The following IL23R variants were observed in gnomAD, a reference collection of about 807,000 sequenced individuals.
IL23R encodes interleukin-23 receptor.
IL23R carries 34 observed loss-of-function variants against 56.9 expected under a neutral mutation model. That is an observed-to-expected ratio of 0.60 (90% CI 0.45 to 0.80). The LOEUF (loss-of-function observed/expected upper bound fraction) is 0.80. IL23R is among the 30% of genes least tolerant of loss of function. The pLI is 0.00. For missense variants in IL23R, 635 were observed against 730.0 expected (o/e 0.87, Z 1.50); for synonymous variants, 230 against 249.2 (o/e 0.92, Z 0.73).
At chr1:67,155,098 A>G (rs552266021) in intron 1 of IL23R, among the ~76,000 whole-genome samples, 1 of 152,284 alleles carries the variant, frequency 6.6e-6, no homozygotes, top group Admixed American at 6.5e-5. Flanking sequence ...TCTTTTCTAT[A>G]AGAATGTTGA....
chr1:67,157,964 C>A (rs923576362), intron 1 of IL23R, among the ~76,000 whole-genome samples: 1 of 152,138 alleles, frequency 6.6e-6, no homozygotes, highest in Non-Finnish European at 1.5e-5. Context: ...GACTGTAATC[C>A]CAGCACTTTG....
At chr1:67,260,470 C>A (rs977114719), downstream of IL23R, among the ~76,000 whole-genome samples, 10 of 152,040 alleles carry the variant, frequency 6.6e-5, no homozygotes, top group African/African-American at 1.9e-4. Context: ...TCCCATGTCT[C>A]CTGCAGATAT....
intron 4 of IL23R, among the ~76,000 whole-genome samples, chr1:67,193,288 T>C (rs575687371): frequency 6.6e-6 from 1 of 152,352 alleles, no homozygotes; most frequent in South Asian, 2.1e-4. Flanking sequence ...CCGCTTTAGT[T>C]TTCTTCTGAA....
chr1:67,214,592 T>G lies in IL23R; in HGVS notation c.799-4982T>G, dbSNP rs113084917. ...CCAGGGGGAGCAGAGAATGAGAGTT[T>G]CAACCAGAAAACAGTTGGTTTCTGA... On this transcript the variant is annotated intron_variant, in intron 6 of 10. Transcript: ENST00000347310. 5.0e-3 allele frequency among the ~76,000 whole-genome samples: 767 copies of G among 152,346 alleles called. 3 individuals carry two copies. The highest frequency in any genetic ancestry group is 8.3e-3 in the Non-Finnish European group (567 of 68,028).
Position 67,258,618 on chromosome 1 carries a change from A to G in IL23R, c.1380A>G (p.Thr460=). 1 of 1,613,988 alleles carries G rather than the reference A, an allele frequency of 6.2e-7. No homozygotes were observed. The part of the protein sequence containing the change: ...YKKENTGPLE[T]RDYPQNSLFD... The stretch of plus-strand genomic sequence containing the variant: ...AGGAGAATACAGGACCCCTGGAGAC[A>G]AGAGACTACCCGCAAAACTCGCTAT... The change falls in exon 11 of 11, where the codon ACA becomes ACG. Residue 460 remains threonine, a synonymous_variant. Coordinates refer to ENST00000347310, the MANE Select transcript of IL23R (RefSeq NM_144701.3).
Position 67,240,275 on chromosome 1 carries a change from G to T in IL23R, c.1142G>T (p.Arg381Leu). Residue 381 changes from arginine to leucine, a missense_variant, in exon 9 of 11, where the codon CGA (arginine) becomes CTA (leucine). Arg to Leu is a moderately radical substitution (Grantham distance 102). Coordinates refer to ENST00000347310, the MANE Select transcript of IL23R (RefSeq NM_144701.3). ...SLIGIFNRSF[R>L]TGIKRRILLL... ...ATTGGGATATTTAACAGATCATTCCGAACTGGGTAGGTTTTTGCAGAATTT... is the reference window on the plus strand; with the variant it reads ...ATTGGGATATTTAACAGATCATTCCTAACTGGGTAGGTTTTTGCAGAATTT... 1 of 1,605,872 alleles carries T rather than the reference G, an allele frequency of 6.2e-7. No individual in the cohort carries two copies. The highest frequency in any genetic ancestry group is 8.5e-7 in the Non-Finnish European group (1 of 1,172,946).
intron 6 of IL23R, among the ~76,000 whole-genome samples, chr1:67,217,896 ATTCT>A (rs1649950180): frequency 6.6e-6 from 1 of 150,948 alleles, no homozygotes; most frequent in African/African-American, 2.4e-5. Flanking sequence ...TTGATACCTC[ATTCT>A]TTTTTTTTTT....
intron 5 of IL23R, among the ~76,000 whole-genome samples, chr1:67,201,268 C>T (rs1648609723): frequency 6.6e-6 from 1 of 151,808 alleles, no homozygotes; most frequent in Non-Finnish European, 1.5e-5. Context: ...ATTAGCCAGG[C>T]ATGGTGGCGG....
In IL23R at chr1:67,200,856, T is replaced by C. The variant is rs767358325; in HGVS notation, c.611T>C (p.Met204Thr). Residue 204 changes from methionine (M) to threonine (T), a missense_variant, in exon 5 of 11, where the codon ATG (methionine) becomes ACG (threonine). Met to Thr is a moderately conservative substitution (Grantham distance 81). Coordinates refer to ENST00000347310, the MANE Select transcript of IL23R (RefSeq NM_144701.3). ...GTCCAAGCAGCAAACGCACTAGGCA[T>C]GGAAGAGTCAAAACAACTGCAAATT... The part of the protein sequence containing the change: ...VWVQAANALG[M>T]EESKQLQIHL... 1.9e-6 allele frequency: 3 copies of C among 1,614,142 alleles called. No homozygotes were observed. The highest frequency in any genetic ancestry group is 1.1e-5 in the South Asian group (1 of 91,080).
At chr1:67,159,921 C>T (rs1646803408) in intron 1 of IL23R, among the ~76,000 whole-genome samples, 1 of 152,134 alleles carries the variant, frequency 6.6e-6, no homozygotes, top group Admixed American at 6.6e-5. Context: ...TTGTTATACA[C>T]CTGCAGGGAC....
intron 3 of IL23R, among the ~76,000 whole-genome samples, chr1:67,170,000 C>T (rs748164732): frequency 2.0e-5 from 3 of 152,200 alleles, no homozygotes; most frequent in Non-Finnish European, 4.4e-5. Flanking sequence ...AGGGCCAGCC[C>T]CGTTAGATTT....
At chr1:67,226,043 C>T (rs776971616) in intron 7 of IL23R, among the ~76,000 whole-genome samples, 1 of 152,236 alleles carries the variant, frequency 6.6e-6, no homozygotes, top group Admixed American at 6.5e-5. Context: ...TGTCGCATAT[C>T]ATGTGGCTCA....
chr1:67,213,222 A>T (rs755974342), intron 6 of IL23R, among the ~76,000 whole-genome samples: 1 of 152,162 alleles, frequency 6.6e-6, no homozygotes, highest in Non-Finnish European at 1.5e-5. Flanking sequence ...CATACATAAC[A>T]TGGGGATAAG....
At chr1:67,261,448 TAA>T (rs35299982), downstream of IL23R, among the ~76,000 whole-genome samples, 54 of 142,402 alleles carry the variant, frequency 3.8e-4, no homozygotes, top group East Asian at 1.4e-3. Flanking sequence ...TTACATAGTG[TAA>T]AAAAAAAAAA....
intron 4 of IL23R, among the ~76,000 whole-genome samples, chr1:67,199,614 A>G (rs891082376): frequency 6.6e-5 from 10 of 152,174 alleles, no homozygotes; most frequent in Non-Finnish European, 1.5e-5. Context: ...TGTTATGTTC[A>G]TGTATATGCA....
chr1:67,228,507 G>T (rs1650892224), intron 7 of IL23R, among the ~76,000 whole-genome samples: 1 of 151,428 alleles, frequency 6.6e-6, no homozygotes. Flanking sequence ...CTATGATTAT[G>T]CTTTTTCTTG....
intron 6 of IL23R, among the ~76,000 whole-genome samples, chr1:67,209,122 A>T (rs1336579140): frequency 1.3e-5 from 2 of 152,162 alleles, no homozygotes; most frequent in Non-Finnish European, 2.9e-5. Context: ...GAATGGCTGT[A>T]TTACCTAATA....
At chr1:67,190,324 T>G (rs1444810988) in intron 4 of IL23R, among the ~76,000 whole-genome samples, 2 of 152,140 alleles carry the variant, frequency 1.3e-5, no homozygotes, top group East Asian at 1.9e-4. Flanking sequence ...TCAAGAGCTT[T>G]CTTTCTTCCC....
At chr1:67,139,456 C>T (rs1646614206) in intron 1 of IL23R, among the ~76,000 whole-genome samples, 1 of 152,164 alleles carries the variant, frequency 6.6e-6, no homozygotes, top group Non-Finnish European at 1.5e-5. Context: ...AAAACTGCTA[C>T]CTGAACTTGA....
Sources: gnomAD v4.1 joint callset for allele counts (sites outside exome capture counted in the v4.1 genomes callset) on GRCh38, gnomAD v4.1.1 for gene constraint, MANE v1.5 for transcripts, NCBI Gene and HGNC (gene_info 2026-07-23, HGNC 2026-07-21) for gene names.